Variants in NPEPPS observed in about 807,000 individuals in gnomAD.
The protein encoded by NPEPPS is puromycin-sensitive aminopeptidase.
A neutral mutation model predicts 115.5 loss-of-function variants in NPEPPS; 14 were observed. The ratio of observed to expected loss-of-function variants is 0.12; its 90% CI spans 0.08 to 0.19. The LOEUF (loss-of-function observed/expected upper bound fraction) is 0.19. Among genes scored for constraint, NPEPPS ranks in the 10% least tolerant of loss-of-function variants. NPEPPS has a pLI of 1.00. For synonymous variants in NPEPPS, 285 were observed against 390.6 expected (o/e 0.73, Z 3.19); for missense variants, 523 against 1,110.8 (o/e 0.47, Z 7.52).
At chr17:47,547,663 TTTACTTTTGATTTCACCTA>T (rs1909314477) in intron 2 of NPEPPS, among the ~76,000 whole-genome samples, 1 of 152,092 alleles carries the variant, frequency 6.6e-6, no homozygotes, top group South Asian at 2.1e-4. Context: ...TGGTTGCCTT[TTTACTTTTGATTTCACCTA>T]GACATTCCTT....
intron 17 of NPEPPS, among the ~76,000 whole-genome samples, chr17:47,610,881 T>G (rs1428031357): frequency 2.4e-5 from 3 of 123,478 alleles, no homozygotes; most frequent in Admixed American, 1.9e-4. Context: ...TGAGATGGAG[T>G]CTCACTCTGT....
At chr17:47,563,937 AT>A (rs958673105) in intron 2 of NPEPPS, among the ~76,000 whole-genome samples, 21 of 147,652 alleles carry the variant, frequency 1.4e-4, no homozygotes, top group South Asian at 1.1e-3. Flanking sequence ...ATATTATATA[AT>A]TTTTTTTTTC....
intron 22 of NPEPPS, 121 bp downstream of exon 22, chr17:47,619,905 A>ACAT: frequency 1.2e-6 from 1 of 847,674 alleles, no homozygotes; most frequent in Admixed American, 1.9e-5. Flanking sequence ...TTAGAGAAAG[A>ACAT]CATCATGCAG....
chr17:47,569,984 G>C (rs1213133436), intron 3 of NPEPPS, among the ~76,000 whole-genome samples: 1 of 152,176 alleles, frequency 6.6e-6, no homozygotes, highest in Non-Finnish European at 1.5e-5. Context: ...TTCTGCGGAA[G>C]TTGGGCTACG....
At chr17:47,598,469 A>G (rs769794688) in intron 13 of NPEPPS, among the ~76,000 whole-genome samples, 7 of 152,262 alleles carry the variant, frequency 4.6e-5, no homozygotes, top group Admixed American at 2.6e-4. Context: ...GAGCAAGACC[A>G]TGTATTAAAA....
intron 3 of NPEPPS, among the ~76,000 whole-genome samples, chr17:47,569,899 A>G (rs1329481795): frequency 6.6e-6 from 1 of 152,148 alleles, no homozygotes; most frequent in Non-Finnish European, 1.5e-5. Context: ...GATTACAGGC[A>G]GGAGCCACCG....
At chr17:47,589,041 G>A (rs574489861) in intron 9 of NPEPPS, among the ~76,000 whole-genome samples, 18 of 152,162 alleles carry the variant, frequency 1.2e-4, no homozygotes, top group Non-Finnish European at 2.5e-4. Flanking sequence ...TCTGCCTCCT[G>A]AGTAGCTGCA....
chr17:47,592,274 T>C (rs1912555585), intron 11 of NPEPPS, among the ~76,000 whole-genome samples: 1 of 151,912 alleles, frequency 6.6e-6, no homozygotes, highest in Admixed American at 6.6e-5. Context: ...GGAGTGGAAA[T>C]GGGAGGCTGT....
intron 9 of NPEPPS, among the ~76,000 whole-genome samples, chr17:47,590,003 T>G (rs778469486): frequency 1.3e-5 from 2 of 152,222 alleles, no homozygotes; most frequent in African/African-American, 2.4e-5. Flanking sequence ...GCTTTTTTTT[T>G]CCCTCTTCTT....
chr17:47,525,246 G>A (rs192922115), intron 1 of NPEPPS, among the ~76,000 whole-genome samples: 2 of 152,240 alleles, frequency 1.3e-5, no homozygotes, highest in East Asian at 3.9e-4. Flanking sequence ...GAATCTCTTG[G>A]ATCATGGGAC....
chr17:47,560,922 A>G (rs555926677), intron 2 of NPEPPS, among the ~76,000 whole-genome samples: 5 of 152,348 alleles, frequency 3.3e-5, no homozygotes, highest in South Asian at 4.1e-4. Context: ...TTGTTTAAGT[A>G]TAGCAGTGGC....
At chr17:47,538,992 C>T (rs1186896906) in intron 1 of NPEPPS, among the ~76,000 whole-genome samples, 5 of 151,952 alleles carry the variant, frequency 3.3e-5, no homozygotes, top group Admixed American at 6.6e-5. Context: ...CTTGTTTGGG[C>T]TAAAAAATCA....
At chr17:47,594,856 TCTC>T (rs1258234222) in intron 12 of NPEPPS, among the ~76,000 whole-genome samples, 2 of 151,560 alleles carry the variant, frequency 1.3e-5, no homozygotes, top group Non-Finnish European at 2.9e-5. Flanking sequence ...ATGGTCTCGA[TCTC>T]CTGACCTCAT....
chr17:47,618,226 C>T, intron 19 of NPEPPS, 124 bp from the exon 20 acceptor site: 1 of 628,892 alleles, frequency 1.6e-6, no homozygotes. Context: ...TAATGCCCTG[C>T]CATTCTTACC....
intron 2 of NPEPPS, among the ~76,000 whole-genome samples, chr17:47,554,695 T>C (rs1448800878): frequency 6.6e-6 from 1 of 152,166 alleles, no homozygotes; most frequent in Non-Finnish European, 1.5e-5. Flanking sequence ...TACTCACCCT[T>C]CTTCTTTGAC....
upstream of NPEPPS, among the ~76,000 whole-genome samples, chr17:47,530,496 A>G (rs1264097002): frequency 2.0e-5 from 3 of 150,168 alleles, no homozygotes; most frequent in South Asian, 4.2e-4. Context: ...AGCTGGGACT[A>G]CAGGCGCCCG....
At chr17:47,612,396 A>C in intron 17 of NPEPPS, 64 bp from the exon 18 acceptor site, 1 of 1,555,948 alleles carries the variant, frequency 6.4e-7, no homozygotes, top group Non-Finnish European at 8.8e-7. Flanking sequence ...AAGATATCCA[A>C]ATGGCAAACT....
chr17:47,615,306 G>A (rs2143971124), intron 19 of NPEPPS, among the ~76,000 whole-genome samples: 1 of 152,224 alleles, frequency 6.6e-6, no homozygotes, highest in East Asian at 1.9e-4. Context: ...TCGAACTCCT[G>A]ACCTTGTGAT....
intron 12 of NPEPPS, among the ~76,000 whole-genome samples, chr17:47,594,523 GC>G (rs1270041103): frequency 6.6e-6 from 1 of 151,154 alleles, no homozygotes; most frequent in Admixed American, 6.6e-5. Context: ...TGATTCTCCT[GC>G]CTCAGCCTCC....
Sources: gnomAD v4.1 joint callset for allele counts (sites outside exome capture counted in the v4.1 genomes callset) on GRCh38, gnomAD v4.1.1 for gene constraint, MANE v1.5 for transcripts, NCBI Gene and HGNC (gene_info 2026-07-23, HGNC 2026-07-21) for gene names.